CAND1: variants seen among roughly 807,000 people sequenced by gnomAD.
The protein encoded by CAND1 is cullin associated and neddylation dissociated 1, also known as cullin-associated NEDD8-dissociated protein 1.
A neutral mutation model predicts 108.5 loss-of-function variants in CAND1; 7 were observed. The observed-to-expected ratio is 0.06, with a 90% CI of 0.04 to 0.12. The LOEUF (loss-of-function observed/expected upper bound fraction) is 0.12, where lower values mean the gene tolerates loss of function less well. CAND1 is among the 10% of genes least tolerant of loss of function. The pLI, the probability that CAND1 is intolerant of heterozygous loss-of-function variation, is 1.00. For synonymous variants in CAND1, 534 were observed against 512.0 expected (o/e 1.04, Z -0.58); for missense variants, 941 against 1,448.7 (o/e 0.65, Z 5.69).
rs2045019073 is a variant in CAND1, at chr12:67,317,472, A to ATT, written c.*4642_*4643insTT. 4 of 116,624 alleles carry ATT rather than the reference A, an allele frequency of 3.4e-5. No homozygotes were observed. Among genetic ancestry groups the ATT allele is most frequent in the African/African-American group, 1.2e-4 (3 of 25,540 alleles). The allele number at this position is 116,624 out of a possible 1,614,324, so 7.2% of individuals were successfully genotyped here. A position where few individuals can be genotyped will look rare whatever the true frequency, so the allele number is the denominator to read the frequency against. On this transcript the variant is annotated 3_prime_UTR_variant, in exon 15 of 15. Coordinates refer to ENST00000545606, the MANE Select transcript of CAND1 (RefSeq NM_018448.5). ...TCTTTTTTCTTTTTTTTTCTTTCTT[A>ATT]ATTTTTTTTTTTTTTTTTTTTTTTG...
In CAND1 at chr12:67,269,545, G is replaced by A; in HGVS notation, c.-173G>A. ...CCGGGACAGGCCCACGCCTCGCCAG[G>A]GAGGGGGCAGCCCGTCGAGGCGCCT... is the stretch of plus-strand genomic sequence containing the variant. On this transcript the variant is annotated 5_prime_UTR_variant, in exon 1 of 15. Coordinates refer to ENST00000545606, the MANE Select transcript of CAND1 (RefSeq NM_018448.5). 2 of 578,678 alleles carry A rather than the reference G, an allele frequency of 3.5e-6. No individual in the cohort carries two copies. Among genetic ancestry groups the A allele is most frequent in the Non-Finnish European group, 6.0e-6 (2 of 335,400 alleles). The allele number at this position is 578,678 out of a possible 1,614,324, so 35.8% of individuals were successfully genotyped here. A position where few individuals can be genotyped will look rare whatever the true frequency, so the allele number is the denominator to read the frequency against.
chr12:67,293,925 G>C (rs1355720828), intron 3 of CAND1, among the ~76,000 whole-genome samples: 1 of 152,114 alleles, frequency 6.6e-6, no homozygotes, highest in African/African-American at 2.4e-5. Context: ...TTGTAGATGG[G>C]AGAACTGAAA....
chr12:67,274,218 G>A (rs1252407), intron 1 of CAND1, among the ~76,000 whole-genome samples: 84,273 of 152,048 alleles, frequency 0.55, 24,472 homozygotes, highest in Non-Finnish European at 0.65. Flanking sequence ...TTTAAGATCT[G>A]GTGCTTACTT....
chr12:67,316,031 A>G lies in CAND1; in HGVS notation c.*3201A>G, dbSNP rs889744988. The G allele has an allele frequency of 6.6e-6, 1 of 152,224 alleles. No individual in the cohort carries two copies. 9.4% of individuals were successfully genotyped at this position (152,224 alleles called of 1,614,324 possible). A position where few individuals can be genotyped will look rare whatever the true frequency, so the allele number is the denominator to read the frequency against. On this transcript the variant is annotated 3_prime_UTR_variant, in exon 15 of 15. Coordinates refer to ENST00000545606, the MANE Select transcript of CAND1 (RefSeq NM_018448.5). Reference sequence around the variant, plus strand: ...AAATTAATTGCCAATCTCTGGATATATTATGCTTAGTAAGTGTTTTGAAAT... The same window carrying G: ...AAATTAATTGCCAATCTCTGGATATGTTATGCTTAGTAAGTGTTTTGAAAT...
chr12:67,304,591 T>C lies in CAND1; in HGVS notation c.1294-14T>C, dbSNP rs765179220. ...CAACAGCTGAACCAGCTAATGACTATATGATAATTGCAGGTTCCCAACATT... is the reference window on the plus strand; with the variant it reads ...CAACAGCTGAACCAGCTAATGACTACATGATAATTGCAGGTTCCCAACATT... On this transcript the variant is annotated splice_polypyrimidine_tract_variant and intron_variant, in intron 8 of 14. Transcript: ENST00000545606. 1 of 1,612,840 alleles carries C rather than the reference T, an allele frequency of 6.2e-7. No individual in the cohort carries two copies. Among genetic ancestry groups the C allele is most frequent in the Non-Finnish European group, 8.5e-7 (1 of 1,179,560 alleles).
intron 3 of CAND1, among the ~76,000 whole-genome samples, chr12:67,293,731 G>A (rs1428816259): frequency 6.6e-6 from 1 of 151,642 alleles, no homozygotes; most frequent in Non-Finnish European, 1.5e-5. Context: ...CCAGCCTAGG[G>A]AACAAGAGTG....
chr12:67,285,277 A>G (rs2044659608), intron 2 of CAND1, among the ~76,000 whole-genome samples: 1 of 152,212 alleles, frequency 6.6e-6, no homozygotes, highest in Non-Finnish European at 1.5e-5. Flanking sequence ...AGATACAAAA[A>G]TGTACTTGAA....
At chr12:67,304,553 A>G (rs2044859232) in intron 8 of CAND1, 52 bp from the exon 9 acceptor site, 5 of 1,576,646 alleles carry the variant, frequency 3.2e-6, no homozygotes, top group South Asian at 1.1e-5. Flanking sequence ...TGTTAAGTGT[A>G]CTGAGGAAAT....
At chr12:67,299,242 A>C (rs1200827552) in intron 7 of CAND1, 147 bp downstream of exon 7, 1 of 715,966 alleles carries the variant, frequency 1.4e-6, no homozygotes, top group Admixed American at 3.5e-5. Context: ...CAGCAAATTA[A>C]GTTAGAGGGC....
At position 67,269,750 on chromosome 12, in the gene CAND1, G is replaced by C; in HGVS notation, c.33G>C (p.Leu11Phe). 6.2e-7 allele frequency: 1 copy of C among 1,606,574 alleles called. No homozygotes were observed. The highest frequency in any genetic ancestry group is 8.5e-7 in the Non-Finnish European group (1 of 1,177,642). Residue 11 changes from leucine to phenylalanine, a missense_variant, in exon 1 of 15, where the codon TTG (leucine) becomes TTC (phenylalanine). Leu to Phe is a conservative substitution (Grantham distance 22). This residue lies in a region of CAND1 where 44 missense variants were observed against 129.1 expected (regional missense o/e 0.34). Coordinates refer to ENST00000545606, the MANE Select transcript of CAND1 (RefSeq NM_018448.5). MASASYHISN[L>F]LEKMTSSDKD... is the part of the protein sequence containing the mutation. Reference sequence around the variant, plus strand: ...GCGCCTCGTACCACATTTCCAATTTGCTGGAAAAAATGACATCCAGCGACA... The same window carrying C: ...GCGCCTCGTACCACATTTCCAATTTCCTGGAAAAAATGACATCCAGCGACA...
At position 67,307,397 on chromosome 12, in the gene CAND1, G is replaced by C; in HGVS notation, c.2930G>C (p.Gly977Ala). Residue 977 changes from glycine (G) to alanine (A), a missense_variant and splice_region_variant, in exon 11 of 15, where the codon GGC becomes GCC. This residue lies in a region of CAND1 where 106 missense variants were observed against 182.0 expected (regional missense o/e 0.58). Transcript: ENST00000545606. ...AGACTTGCAATTTATTTTTAACTAG[G>C]CTCATCATATGCCCGAAGCTCAGTG... The part of the protein sequence containing the change: ...LPRLKGYLIS[G>A]SSYARSSVVT... The C allele has an allele frequency of 6.2e-7, 1 of 1,608,522 alleles. No homozygotes were observed. The highest frequency in any genetic ancestry group is 2.2e-5 in the East Asian group (1 of 44,810).
Position 67,316,544 on chromosome 12 carries a change from T to C in CAND1, c.*3714T>C, listed in dbSNP as rs907881150. 1 of 151,860 alleles carries C rather than the reference T, an allele frequency of 6.6e-6. No homozygotes were observed. Among genetic ancestry groups the C allele is most frequent in the African/African-American group, 2.4e-5 (1 of 41,140 alleles). The allele number at this position is 151,860 out of a possible 1,614,324, so 9.4% of individuals were successfully genotyped here. On this transcript the variant is annotated 3_prime_UTR_variant, in exon 15 of 15. Transcript: ENST00000545606. ...TGAATCCAAAAACTACTGAAGTGAGTAATGCATATAATTTTACTTTTTTGG... is the reference window on the plus strand; with the variant it reads ...TGAATCCAAAAACTACTGAAGTGAGCAATGCATATAATTTTACTTTTTTGG...
chr12:67,286,674 T>A (rs2044675277), intron 2 of CAND1, among the ~76,000 whole-genome samples: 2 of 152,110 alleles, frequency 1.3e-5, no homozygotes, highest in African/African-American at 4.8e-5. Context: ...TTGATTTAAT[T>A]TATAAGTTAA....
At chr12:67,300,043 T>C (rs1267333321) in intron 7 of CAND1, among the ~76,000 whole-genome samples, 1 of 152,168 alleles carries the variant, frequency 6.6e-6, no homozygotes, top group Non-Finnish European at 1.5e-5. Flanking sequence ...TGCAGTTCCA[T>C]TTTCTTTTTT....
chr12:67,297,029 G>A (rs552669470), intron 4 of CAND1, among the ~76,000 whole-genome samples: 1 of 151,424 alleles, frequency 6.6e-6, no homozygotes, highest in African/African-American at 2.4e-5. Flanking sequence ...AACTCCTGGG[G>A]TCAAGTGATC....
intron 3 of CAND1, among the ~76,000 whole-genome samples, chr12:67,294,609 T>A (rs987493912): frequency 6.6e-6 from 1 of 152,230 alleles, no homozygotes; most frequent in Admixed American, 6.5e-5. Flanking sequence ...AGCATAGTTA[T>A]CTATCTACTA....
In CAND1 at chr12:67,295,099, A is replaced by G; in HGVS notation, c.434A>G (p.Gln145Arg). 6.2e-7 allele frequency: 1 copy of G among 1,613,278 alleles called. No individual in the cohort carries two copies. The highest frequency in any genetic ancestry group is 8.5e-7 in the Non-Finnish European group (1 of 1,179,414). ...CGTCTTACAAGTGCAATAGCAAAACAGGAAGATGTCTCTGTTCAGCTAGAA... is the reference window on the plus strand; with the variant it reads ...CGTCTTACAAGTGCAATAGCAAAACGGGAAGATGTCTCTGTTCAGCTAGAA... ...TGRLTSAIAK[Q>R]EDVSVQLEAL... Residue 145 changes from glutamine to arginine, a missense_variant, in exon 4 of 15, where the codon CAG becomes CGG. Around this residue, in one of 9 missense-constraint regions of CAND1, gnomAD observed 697 missense variants for 942.0 expected, o/e 0.74. Transcript: ENST00000545606.
At chr12:67,285,115 C>T (rs2044658124) in intron 2 of CAND1, among the ~76,000 whole-genome samples, 1 of 152,036 alleles carries the variant, frequency 6.6e-6, no homozygotes. Context: ...AAGGAACACC[C>T]ATTTATTATA....
chr12:67,292,823 A>G, intron 3 of CAND1, 47 bp downstream of exon 3: 4 of 1,589,232 alleles, frequency 2.5e-6, no homozygotes, highest in Non-Finnish European at 3.4e-6. Flanking sequence ...GTGTGGAGGT[A>G]TTTCTCCCCA....
Sources: allele counts gnomAD v4.1 joint callset (sites outside exome capture counted in the v4.1 genomes callset), GRCh38; gene constraint gnomAD v4.1.1; regional missense constraint gnomAD v4.1.1; transcripts MANE v1.5; gene names NCBI Gene and HGNC (gene_info 2026-07-23, HGNC 2026-07-21).